The following WWP2 variants were observed in gnomAD, a reference collection of about 807,000 sequenced individuals.
The protein encoded by WWP2 is WW domain containing E3 ubiquitin protein ligase 2.
A neutral mutation model predicts 121.0 loss-of-function variants in WWP2; 57 were observed. The observed-to-expected ratio is 0.47, with a 90% CI of 0.38 to 0.59. WWP2 has a LOEUF of 0.59. Ranked by LOEUF, WWP2 falls within the 20% of genes least tolerant of loss-of-function variation. The probability of loss-of-function intolerance (pLI) is 0.00; values close to 1 mark genes in which losing one functional copy is unlikely to be tolerated. For synonymous variants in WWP2, 449 were observed against 441.3 expected, an observed-to-expected ratio of 1.02 and a Z score of -0.22; for missense variants, 962 against 1,158.9, an observed-to-expected ratio of 0.83 and a Z score of 2.47.
At chr16:69,895,279 A>G (rs1216971847) in intron 8 of WWP2, 1 of 152,252 alleles carries the variant, frequency 6.6e-6, no homozygotes, top group African/African-American at 2.4e-5. Flanking sequence ...CACTAGCCAA[A>G]GAGTCTTACC....
chr16:69,771,400 C>A (rs1485119714), intron 1 of WWP2, among the ~76,000 whole-genome samples: 1 of 152,148 alleles, frequency 6.6e-6, no homozygotes, highest in Non-Finnish European at 1.5e-5. Context: ...GTGCCTGCCA[C>A]CATGCCCGGC....
chr16:69,914,300 TAA>T (rs1194011572), intron 9 of WWP2, among the ~76,000 whole-genome samples: 3 of 151,850 alleles, frequency 2.0e-5, no homozygotes, highest in Admixed American at 2.0e-4. Context: ...GCCCAGAGGA[TAA>T]AAAAAGACTC....
intron 4 of WWP2, among the ~76,000 whole-genome samples, chr16:69,822,410 T>C (rs969192659): frequency 6.6e-6 from 1 of 152,160 alleles, no homozygotes; most frequent in African/African-American, 2.4e-5. Flanking sequence ...ATTTAGACTC[T>C]AGAGAGGAAA....
At chr16:69,921,989 G>A (rs1473629272) in intron 10 of WWP2, among the ~76,000 whole-genome samples, 17 of 151,250 alleles carry the variant, frequency 1.1e-4, no homozygotes, top group African/African-American at 2.7e-4. Flanking sequence ...CAGGAGAATC[G>A]CTTGAACTCG....
chr16:69,920,489 G>T (rs2058544044), intron 10 of WWP2, among the ~76,000 whole-genome samples: 1 of 152,154 alleles, frequency 6.6e-6, no homozygotes, highest in African/African-American at 2.4e-5. Flanking sequence ...TTCTTGGGTG[G>T]TTGTGGCTGC....
intron 4 of WWP2, among the ~76,000 whole-genome samples, chr16:69,814,184 A>G (rs1240671203): frequency 6.6e-6 from 1 of 152,112 alleles, no homozygotes; most frequent in African/African-American, 2.4e-5. Context: ...TGTTTTTGAC[A>G]AGGTCTTGCT....
chr16:69,872,775 C>G (rs998155067), intron 7 of WWP2, among the ~76,000 whole-genome samples: 1 of 152,192 alleles, frequency 6.6e-6, no homozygotes, highest in Non-Finnish European at 1.5e-5. Context: ...GAGACAGTGC[C>G]GTCCACGTGC....
rs767774692 is a variant in WWP2, at chr16:69,931,542, G to A, written c.1555G>A (p.Val519Ile). The change falls in exon 15 of 24, where the codon GTT (valine) becomes ATT (isoleucine). Residue 519 changes from valine to isoleucine, a missense_variant. By Grantham distance (29) the Val-to-Ile change is conservative (BLOSUM62 3). This residue lies in a region of WWP2 where 606 missense variants were observed against 772.6 expected (regional missense o/e 0.78). Coordinates refer to ENST00000359154, the MANE Select transcript of WWP2 (RefSeq NM_001270454.2). ...CCTACCTAGCCACGTGAAGATCAGC[G>A]TTTCCAGGCAGACGCTTTTCGAAGA... ...NALPSHVKISVSRQTLFEDSF... is the reference protein window; with the variant it reads ...NALPSHVKISISRQTLFEDSF... 23 of 1,613,310 alleles carry A rather than the reference G, an allele frequency of 1.4e-5. No individual in the cohort carries two copies. The highest frequency in any genetic ancestry group is 1.4e-5 in the Non-Finnish European group (16 of 1,179,944).
intron 9 of WWP2, chr16:69,910,260 T>A (rs2058359670): frequency 3.7e-6 from 2 of 536,010 alleles, no homozygotes. Context: ...ATTAACAGTA[T>A]TTTGTTTATA....
At chr16:69,784,091 C>CTTTTTTTTTTTTTTTTTTTTTTT (rs61650147) in intron 1 of WWP2, among the ~76,000 whole-genome samples, 8 of 60,872 alleles carry the variant, frequency 1.3e-4, no homozygotes, top group East Asian at 4.7e-4. Context: ...TTCTTTCTTT[C>CTTTTTTTTTTTTTTTTTTTTTTT]TTTTTTTTTT....
intron 2 of WWP2, among the ~76,000 whole-genome samples, chr16:69,789,469 C>G (rs112682906): frequency 0.014 from 2,137 of 152,270 alleles, 49 homozygotes; most frequent in African/African-American, 0.046. Context: ...ACCTCATGAT[C>G]TCCCCGCCTC....
At chr16:69,859,861 C>T (rs187740841) in intron 6 of WWP2, among the ~76,000 whole-genome samples, 20 of 151,540 alleles carry the variant, frequency 1.3e-4, no homozygotes, top group South Asian at 1.0e-3. Context: ...GAGAGAGCAC[C>T]GCCCCCCACC....
At chr16:69,837,819 A>G (rs2056903546) in intron 4 of WWP2, among the ~76,000 whole-genome samples, 4 of 151,538 alleles carry the variant, frequency 2.6e-5, no homozygotes, top group African/African-American at 9.7e-5. Context: ...AACAAGATGA[A>G]AGGACAGTTT....
chr16:69,817,150 A>G (rs1791551362), intron 4 of WWP2, among the ~76,000 whole-genome samples: 1 of 152,176 alleles, frequency 6.6e-6, no homozygotes, highest in East Asian at 1.9e-4. Flanking sequence ...CCAAATGGGA[A>G]CTCATTATAC....
intron 4 of WWP2, among the ~76,000 whole-genome samples, chr16:69,805,244 C>G (rs1474150819): frequency 6.6e-6 from 1 of 152,038 alleles, no homozygotes; most frequent in African/African-American, 2.4e-5. Flanking sequence ...TCATTAAGGC[C>G]AGGCTGGTCT....
At chr16:69,916,749 C>T (rs2058484693) in intron 9 of WWP2, among the ~76,000 whole-genome samples, 1 of 152,106 alleles carries the variant, frequency 6.6e-6, no homozygotes, top group South Asian at 2.1e-4. Context: ...TGAAGGGTGA[C>T]AGCTGGTCAT....
intron 1 of WWP2, among the ~76,000 whole-genome samples, chr16:69,773,605 T>C (rs1014410816): frequency 5.3e-5 from 8 of 152,104 alleles, no homozygotes; most frequent in Non-Finnish European, 1.2e-4. Context: ...CTCAGCCTCC[T>C]GAGTAGCTGG....
At chr16:69,910,701 G>T (rs908769254) in intron 9 of WWP2, among the ~76,000 whole-genome samples, 4 of 152,130 alleles carry the variant, frequency 2.6e-5, no homozygotes, top group Non-Finnish European at 4.4e-5. Flanking sequence ...GAGCCACTGC[G>T]CCCAGCCTAC....
At chr16:69,907,510 T>G (rs529710232) in intron 8 of WWP2, among the ~76,000 whole-genome samples, 1 of 152,300 alleles carries the variant, frequency 6.6e-6, no homozygotes, top group African/African-American at 2.4e-5. Context: ...GTGTAAAACA[T>G]AAAGGCCCAC....
Sources: allele counts gnomAD v4.1 joint callset (sites outside exome capture counted in the v4.1 genomes callset), GRCh38; gene constraint gnomAD v4.1.1; regional missense constraint gnomAD v4.1.1; transcripts MANE v1.5; gene names NCBI Gene and HGNC (gene_info 2026-07-23, HGNC 2026-07-21).